SPTBN1: variants seen among roughly 807,000 people sequenced by gnomAD.
SPTBN1 encodes the protein spectrin beta, non-erythrocytic 1.
Under a neutral mutation model 266.4 loss-of-function variants are expected in SPTBN1, and 32 were observed. That is an observed-to-expected ratio of 0.12 (90% confidence interval 0.09 to 0.16). The LOEUF (loss-of-function observed/expected upper bound fraction) is 0.16. SPTBN1 is among the 10% of genes least tolerant of loss of function. The pLI is 1.00. For synonymous variants in SPTBN1, 1,336 were observed against 1,162.2 expected, an observed-to-expected ratio of 1.15 and a Z score of -3.04; for missense variants, 2,296 against 3,067.1, an observed-to-expected ratio of 0.75 and a Z score of 5.94.
chr2:54,619,450 T>C (rs1677851050), intron 7 of SPTBN1, among the ~76,000 whole-genome samples: 1 of 152,206 alleles, frequency 6.6e-6, no homozygotes, highest in Non-Finnish European at 1.5e-5. Flanking sequence ...TTTTAATAAC[T>C]TGCTCATTAG....
chr2:54,637,091 C>G (rs146278998), intron 17 of SPTBN1, among the ~76,000 whole-genome samples: 1 of 152,326 alleles, frequency 6.6e-6, no homozygotes, highest in East Asian at 1.9e-4. Flanking sequence ...CCAAATTCAG[C>G]AGCTCTTTCC....
intron 18 of SPTBN1, among the ~76,000 whole-genome samples, chr2:54,638,005 G>T (rs1460309894): frequency 6.6e-6 from 1 of 152,144 alleles, no homozygotes; most frequent in Non-Finnish European, 1.5e-5. Flanking sequence ...TTATAATCTA[G>T]ACTATTATAT....
Position 54,617,612 on chromosome 2 carries a change from C to A in SPTBN1, c.571C>A (p.Pro191Thr). ...LWCQMKTAGY[P>T]NVNIHNFTTS... ...CTTCTGCTTTGTCCTTGGCAGGTAC[C>A]CCAATGTCAACATTCACAATTTCAC... is the stretch of plus-strand genomic sequence containing the variant. Residue 191 changes from proline (P) to threonine (T), a missense_variant, in exon 6 of 36, where the codon CCC becomes ACC. By Grantham distance (38) the Pro-to-Thr change is conservative. Coordinates refer to ENST00000356805, the MANE Select transcript of SPTBN1 (RefSeq NM_003128.3). 6.2e-7 allele frequency: 1 copy of A among 1,613,994 alleles called. No individual in the cohort carries two copies. The highest frequency in any genetic ancestry group is 8.5e-7 in the Non-Finnish European group (1 of 1,179,932).
intron 18 of SPTBN1, among the ~76,000 whole-genome samples, chr2:54,639,683 A>C (rs1679396592): frequency 6.6e-6 from 1 of 152,254 alleles, no homozygotes; most frequent in Non-Finnish European, 1.5e-5. Context: ...GGAAATGGTC[A>C]GTCTTAATAG....
At chr2:54,614,687 C>T (rs1558429672) in intron 4 of SPTBN1, among the ~76,000 whole-genome samples, 1 of 151,784 alleles carries the variant, frequency 6.6e-6, no homozygotes, top group Non-Finnish European at 1.5e-5. Context: ...CCTATGATCC[C>T]AGTTACTTGA....
Position 54,645,835 on chromosome 2 carries a change from C to A in SPTBN1, c.4495-93C>A. The stretch of plus-strand genomic sequence containing the variant: ...GGGGCTGAGCACTCTCTGAAGCTCA[C>A]CCTTGCTGTCCCTCACTGCCCCTCA... On this transcript the variant is annotated intron_variant, in intron 21 of 35. Coordinates refer to ENST00000356805, the MANE Select transcript of SPTBN1 (RefSeq NM_003128.3). This position sits in a 1 kb window ranked among gnomAD's most constrained non-coding sequence, Gnocchi z 4.3. The A allele has an allele frequency of 7.3e-7, 1 of 1,376,550 alleles. No individual in the cohort carries two copies. The highest frequency in any genetic ancestry group is 1.0e-6 in the Non-Finnish European group (1 of 977,380). 85.3% of individuals were successfully genotyped at this position (1,376,550 alleles called of 1,614,324 possible).
In SPTBN1 at chr2:54,533,521, A is replaced by G. The variant is rs1434585751; in HGVS notation, c.148+6955A>G. ...GAAACCTATTTACATGAGACTATAT[A>G]TGTATACAAGTGCCTGGAAGTTAGT... On this transcript the variant is annotated intron_variant, in intron 2 of 35. Coordinates refer to ENST00000356805, the MANE Select transcript of SPTBN1 (RefSeq NM_003128.3). This position sits in a 1 kb window ranked among gnomAD's most constrained non-coding sequence, Gnocchi z 4.2. Among the ~76,000 whole-genome samples, 2 of 152,084 alleles carry G rather than the reference A, an allele frequency of 1.3e-5. No individual in the cohort carries two copies. Among genetic ancestry groups the G allele is most frequent in the Non-Finnish European group, 2.9e-5 (2 of 68,008 alleles).
intron 2 of SPTBN1, among the ~76,000 whole-genome samples, chr2:54,575,249 C>G (rs1674380823): frequency 6.6e-6 from 1 of 152,190 alleles, no homozygotes; most frequent in South Asian, 2.1e-4. Context: ...CACACCTAAC[C>G]TAGCAATACA....
At chr2:54,529,358 G>A in intron 2 of SPTBN1, 1 of 619,600 alleles carries the variant, frequency 1.6e-6, no homozygotes, top group Non-Finnish European at 3.0e-6. Context: ...GGCACCGAAA[G>A]TGAAGAAGGA....
intron 1 of SPTBN1, among the ~76,000 whole-genome samples, chr2:54,507,620 A>G (rs1039651400): frequency 5.3e-5 from 8 of 152,184 alleles, no homozygotes; most frequent in Non-Finnish European, 1.2e-4. Flanking sequence ...CAGGTATAAA[A>G]GGACTAAGAA....
intron 34 of SPTBN1, among the ~76,000 whole-genome samples, chr2:54,666,879 C>T (rs541329383): frequency 7.2e-5 from 11 of 152,334 alleles, no homozygotes; most frequent in African/African-American, 2.4e-4. Context: ...TCTGCTGCTG[C>T]GCAGTGCAGG....
At chr2:54,622,046 G>A (rs1678024403) in intron 8 of SPTBN1, among the ~76,000 whole-genome samples, 2 of 152,104 alleles carry the variant, frequency 1.3e-5, no homozygotes, top group South Asian at 4.2e-4. Context: ...TCTTTGCTTG[G>A]GGGTTGGAAA....
At chr2:54,461,964 A>G (rs918950505) in intron 1 of SPTBN1, among the ~76,000 whole-genome samples, 11 of 152,168 alleles carry the variant, frequency 7.2e-5, no homozygotes, top group African/African-American at 9.7e-5. Context: ...TTCTTATTTC[A>G]GAAAAGTTTT....
rs746240244 is a variant in SPTBN1, at chr2:54,629,445, G to A, written c.2311G>A (p.Asp771Asn). The A allele has an allele frequency of 9.3e-6, 15 of 1,614,042 alleles. No individual in the cohort carries two copies. Among genetic ancestry groups the A allele is most frequent in the East Asian group, 4.5e-5 (2 of 44,898 alleles). The change falls in exon 14 of 36, where the codon GAC becomes AAC. Residue 771 changes from aspartate (D) to asparagine (N), a missense_variant. Transcript: ENST00000356805. ...LDILKIVSSS[D>N]VGHDEYSTQS... ...CATCCTCAAGATTGTCTCCAGCAGC[G>A]ACGTGGGCCACGATGAGTATTCCAC... is the stretch of plus-strand genomic sequence containing the variant.
intron 2 of SPTBN1, among the ~76,000 whole-genome samples, chr2:54,532,712 T>C (rs1671330290): frequency 6.6e-6 from 1 of 152,236 alleles, no homozygotes; most frequent in Non-Finnish European, 1.5e-5. Flanking sequence ...CTTGGTATCA[T>C]GGAACATGCA....
At chr2:54,521,735 G>A (rs1234257489) in intron 1 of SPTBN1, among the ~76,000 whole-genome samples, 1 of 152,120 alleles carries the variant, frequency 6.6e-6, no homozygotes, top group African/African-American at 2.4e-5. Context: ...TCTTGCCCAG[G>A]TTGGTCTCAA....
chr2:54,477,980 CCTT>C (rs1026183214), intron 1 of SPTBN1, among the ~76,000 whole-genome samples: 1 of 152,004 alleles, frequency 6.6e-6, no homozygotes, highest in African/African-American at 2.4e-5. Flanking sequence ...GCAGAGAAAA[CCTT>C]CTTCAGAGCC....
At chr2:54,633,433 G>GTGTGTGTC (rs1553347573) in intron 17 of SPTBN1, among the ~76,000 whole-genome samples, 10 of 151,684 alleles carry the variant, frequency 6.6e-5, no homozygotes, top group Admixed American at 3.3e-4. Flanking sequence ...GTGCGTGTGT[G>GTGTGTGTC]TGTCTGTCTG....
intron 1 of SPTBN1, among the ~76,000 whole-genome samples, chr2:54,506,704 C>T (rs1282045377): frequency 6.6e-6 from 1 of 152,036 alleles, no homozygotes; most frequent in East Asian, 1.9e-4. Flanking sequence ...TTGGAGAGTA[C>T]AGTATACTTT....
Sources: gnomAD v4.1 joint callset for allele counts (sites outside exome capture counted in the v4.1 genomes callset) on GRCh38, gnomAD v4.1.1 for gene constraint, Gnocchi (gnomAD v3.1) non-coding constraint, MANE v1.5 for transcripts, NCBI Gene and HGNC (gene_info 2026-07-23, HGNC 2026-07-21) for gene names.